Variants in MBNL2 observed in about 807,000 individuals in gnomAD.
The protein encoded by MBNL2 is muscleblind-like protein 2.
MBNL2 carries 17 observed loss-of-function variants against 41.9 expected under a neutral mutation model. That is an observed-to-expected ratio of 0.41 (90% CI 0.28 to 0.61). The LOEUF (loss-of-function observed/expected upper bound fraction) is 0.61. Among genes scored for constraint, MBNL2 ranks in the 20% least tolerant of loss-of-function variants. MBNL2 has a pLI of 0.35. For synonymous variants in MBNL2, 195 were observed against 182.9 expected, an observed-to-expected ratio of 1.07 and a Z score of -0.53; for missense variants, 336 against 505.6, an observed-to-expected ratio of 0.66 and a Z score of 3.22.
At chr13:97,255,628 C>T (rs2047377475) in intron 1 of MBNL2, among the ~76,000 whole-genome samples, 1 of 152,204 alleles carries the variant, frequency 6.6e-6, no homozygotes, top group Non-Finnish European at 1.5e-5. Context: ...TGAGGCTACC[C>T]GTAGATGGCA....
chr13:97,203,338 A>G, the MBNL2 span, among the ~76,000 whole-genome samples: 3 of 152,202 alleles, frequency 2.0e-5, no homozygotes, highest in African/African-American at 7.2e-5. Flanking sequence ...CAAATGGATC[A>G]ATAATTCTGT....
chr13:97,179,967 G>C, the MBNL2 span, among the ~76,000 whole-genome samples: 1 of 152,210 alleles, frequency 6.6e-6, no homozygotes, highest in Non-Finnish European at 1.5e-5. Context: ...CAATTGCATA[G>C]AGCATGAACA....
chr13:97,388,837 A>T (rs1304705878), intron 8 of MBNL2, among the ~76,000 whole-genome samples: 1 of 152,244 alleles, frequency 6.6e-6, no homozygotes, highest in Non-Finnish European at 1.5e-5. Context: ...GATATTTCCA[A>T]GAAAAATGCT....
At chr13:97,207,776 G>T in the MBNL2 span, among the ~76,000 whole-genome samples, 1 of 152,172 alleles carries the variant, frequency 6.6e-6, no homozygotes, top group Non-Finnish European at 1.5e-5. Flanking sequence ...AAAGTCCACA[G>T]TTCAAAGTCT....
At chr13:97,152,222 G>T in the MBNL2 span, among the ~76,000 whole-genome samples, 1 of 152,014 alleles carries the variant, frequency 6.6e-6, no homozygotes, top group East Asian at 1.9e-4. Context: ...CTTAATAGAT[G>T]AGTTAGAAGA....
chr13:97,326,354 T>C lies in MBNL2; in HGVS notation c.175-7922T>C, dbSNP rs2059911999. On this transcript the variant is annotated intron_variant, in intron 2 of 8. Transcript: ENST00000679496. Reference sequence around the variant, plus strand: ...TTCCTTATATCATTCTAGGCATTTCTTCCATATAATGGAAGCAACAGAGAA... The same window carrying C: ...TTCCTTATATCATTCTAGGCATTTCCTCCATATAATGGAAGCAACAGAGAA... 3.9e-5 allele frequency among the ~76,000 whole-genome samples: 6 copies of C among 152,220 alleles called. No homozygotes were observed. In the South Asian group the frequency reaches 1.2e-3, roughly 32 times the overall value.
intron 2 of MBNL2, among the ~76,000 whole-genome samples, chr13:97,302,020 T>C (rs1432150503): frequency 6.6e-6 from 1 of 152,218 alleles, no homozygotes; most frequent in Non-Finnish European, 1.5e-5. Flanking sequence ...AGAGATCATG[T>C]TCTTTAAAAG....
At chr13:97,172,708 C>T in the MBNL2 span, 4 of 152,280 alleles carry the variant, frequency 2.6e-5, no homozygotes, top group East Asian at 7.7e-4. Context: ...TAAGAGGACA[C>T]CTTTCACACC....
intron 2 of MBNL2, among the ~76,000 whole-genome samples, chr13:97,285,231 A>G (rs546164526): frequency 1.3e-5 from 2 of 152,326 alleles, no homozygotes; most frequent in East Asian, 3.9e-4. Context: ...GTCACATGTA[A>G]CTTTATATCG....
chr13:97,154,687 A>G, the MBNL2 span, among the ~76,000 whole-genome samples: 1 of 152,160 alleles, frequency 6.6e-6, no homozygotes, highest in Admixed American at 6.6e-5. Context: ...GGAAGGCAAC[A>G]CAAACTAGAA....
rs748892193 is a variant in MBNL2, at chr13:97,366,479, A to G, written c.1048+1308A>G. 4.4e-6 allele frequency: 7 copies of G among 1,607,482 alleles called. No homozygotes were observed. In the Admixed American group the frequency reaches 1.2e-4, roughly 27 times the overall value. ...GAAAGTACCCATGATGCACAGCGCTACGTCCGCCACTGTCTCTGCAGCAAC... is the reference window on the plus strand; with the variant it reads ...GAAAGTACCCATGATGCACAGCGCTGCGTCCGCCACTGTCTCTGCAGCAAC... On this transcript the variant is annotated intron_variant, in intron 8 of 8. Coordinates refer to ENST00000679496, the MANE Select transcript of MBNL2 (RefSeq NM_001382683.1). The surrounding 1 kb of genome is among the most constrained non-coding windows in gnomAD (Gnocchi z 4.7).
intron 5 of MBNL2, among the ~76,000 whole-genome samples, chr13:97,352,741 T>C (rs2062614108): frequency 6.6e-6 from 1 of 152,246 alleles, no homozygotes; most frequent in African/African-American, 2.4e-5. Context: ...CTGAAGTATC[T>C]GCAAAGTACC....
In MBNL2 at chr13:97,346,166, A is replaced by G. The variant is rs2061833971; in HGVS notation, c.541-638A>G. Reference sequence around the variant, plus strand: ...AGATAGATGGTAGGTAGGTAGATAGATGATAGATAATATTAGGTTGGTGCA... The same window carrying G: ...AGATAGATGGTAGGTAGGTAGATAGGTGATAGATAATATTAGGTTGGTGCA... On this transcript the variant is annotated intron_variant, in intron 4 of 8. Coordinates refer to ENST00000679496, the MANE Select transcript of MBNL2 (RefSeq NM_001382683.1). This position sits in a 1 kb window ranked among gnomAD's most constrained non-coding sequence, Gnocchi z 4.2. 6.6e-6 allele frequency among the ~76,000 whole-genome samples: 1 copy of G among 152,162 alleles called. No homozygotes were observed. Among genetic ancestry groups the G allele is most frequent in the African/African-American group, 2.4e-5 (1 of 41,420 alleles).
the MBNL2 span, among the ~76,000 whole-genome samples, chr13:97,191,814 T>C: frequency 6.6e-6 from 1 of 152,210 alleles, no homozygotes; most frequent in Non-Finnish European, 1.5e-5. Context: ...GGGGGAGCCC[T>C]CTGCAGCTGC....
the MBNL2 span, among the ~76,000 whole-genome samples, chr13:97,196,497 C>T: frequency 6.6e-6 from 1 of 152,048 alleles, no homozygotes; most frequent in Non-Finnish European, 1.5e-5. Context: ...TATTAAGGCA[C>T]CCAGAGATTA....
chr13:97,315,098 A>G (rs1054440423), intron 2 of MBNL2, among the ~76,000 whole-genome samples: 3 of 152,192 alleles, frequency 2.0e-5, no homozygotes, highest in African/African-American at 7.2e-5. Flanking sequence ...TTTTCATTTT[A>G]GGGGACACAC....
the MBNL2 span, among the ~76,000 whole-genome samples, chr13:97,167,158 A>G: frequency 2.0e-5 from 3 of 152,252 alleles, no homozygotes; most frequent in Non-Finnish European, 4.4e-5. Context: ...TATTGAGAAT[A>G]GCAATTAATA....
the MBNL2 span, among the ~76,000 whole-genome samples, chr13:97,175,898 G>T: frequency 6.6e-6 from 1 of 152,142 alleles, no homozygotes; most frequent in African/African-American, 2.4e-5. Context: ...CTAAGATCAG[G>T]GTCCTGGTTA....
At chr13:97,168,182 G>A in the MBNL2 span, among the ~76,000 whole-genome samples, 2 of 152,022 alleles carry the variant, frequency 1.3e-5, no homozygotes, top group African/African-American at 2.4e-5. Context: ...CAGGCTGGTC[G>A]TGAACTGCTG....
Sources: allele counts gnomAD v4.1 joint callset (sites outside exome capture counted in the v4.1 genomes callset), GRCh38; gene constraint gnomAD v4.1.1; non-coding constraint Gnocchi (gnomAD v3.1); transcripts MANE v1.5; gene names NCBI Gene and HGNC (gene_info 2026-07-23, HGNC 2026-07-21).